PWWP2B: variants seen among roughly 807,000 people sequenced by gnomAD.
PWWP2B encodes the protein PWWP domain-containing protein 2B.
In PWWP2B, 9 loss-of-function variants were observed where a neutral mutation model predicts 15.5. The ratio of observed to expected loss-of-function variants is 0.58; its 90% CI spans 0.35 to 1.02. The LOEUF (loss-of-function observed/expected upper bound fraction) is 1.02. Among genes scored for constraint, PWWP2B ranks in the 50% least tolerant of loss-of-function variants. The probability of loss-of-function intolerance (pLI) is 0.02; values close to 1 mark genes in which losing one functional copy is unlikely to be tolerated. For missense variants in PWWP2B, 864 were observed against 865.3 expected (o/e 1.00, Z 0.02); for synonymous variants, 474 against 403.6 (o/e 1.17, Z -2.09).
intron 1 of PWWP2B, among the ~76,000 whole-genome samples, chr10:132,402,316 C>T (rs1442234266): frequency 6.6e-6 from 1 of 152,254 alleles, no homozygotes; most frequent in Non-Finnish European, 1.5e-5. Flanking sequence ...CCCCCTCCCT[C>T]TGGCTGTCGT....
chr10:132,397,442 G>C, intron 1 of PWWP2B, 91 bp downstream of exon 1: 2 of 1,113,508 alleles, frequency 1.8e-6, no homozygotes, highest in South Asian at 4.3e-5. Flanking sequence ...CTCCGGGTTG[G>C]GGGTGGCGTG....
intron 1 of PWWP2B, among the ~76,000 whole-genome samples, chr10:132,402,296 A>G (rs1017371181): frequency 6.6e-6 from 1 of 152,346 alleles, no homozygotes; most frequent in African/African-American, 2.4e-5. Flanking sequence ...CCCCAGCCCT[A>G]GTGGGGTTGC....
chr10:132,416,472 G>C (rs2069857903), intron 2 of PWWP2B, among the ~76,000 whole-genome samples: 2 of 152,208 alleles, frequency 1.3e-5, no homozygotes, highest in African/African-American at 4.8e-5. Flanking sequence ...TGCCTGAGGT[G>C]GCCATCCGGG....
chr10:132,415,458 C>T (rs2069836182), intron 2 of PWWP2B, among the ~76,000 whole-genome samples: 1 of 151,370 alleles, frequency 6.6e-6, no homozygotes, highest in South Asian at 2.1e-4. Flanking sequence ...CATCCACTCA[C>T]ACACGCACTC....
At chr10:132,413,175 GA>G (rs1178435129) in intron 2 of PWWP2B, among the ~76,000 whole-genome samples, 1 of 152,220 alleles carries the variant, frequency 6.6e-6, no homozygotes, top group Non-Finnish European at 1.5e-5. Context: ...TCTGATGCCG[GA>G]AATCTTGACG....
rs1415888674 is a variant in PWWP2B, at chr10:132,397,260, C to T, written c.34C>T (p.Arg12Trp). 1.5e-6 allele frequency: 2 copies of T among 1,321,166 alleles called. No individual in the cohort carries two copies. Among genetic ancestry groups the T allele is most frequent in the Non-Finnish European group, 1.9e-6 (2 of 1,027,236 alleles). The allele number at this position is 1,321,166 out of a possible 1,614,324, so 81.8% of individuals were successfully genotyped here. A position where few individuals can be genotyped will look rare whatever the true frequency, so the allele number is the denominator to read the frequency against. The change falls in exon 1 of 3, where the codon CGG (arginine) becomes TGG (tryptophan). Residue 12 changes from arginine (R) to tryptophan (W), a missense_variant. Arg to Trp is a moderately radical substitution (Grantham distance 101). Around this residue, in one of 2 missense-constraint regions of PWWP2B, gnomAD observed 736 missense variants for 687.7 expected, o/e 1.07. Coordinates refer to ENST00000305233, the MANE Select transcript of PWWP2B (RefSeq NM_138499.4). Reference protein sequence around the residue: ...EPRAGCRLPVRVEQVVNGALV... With the variant: ...EPRAGCRLPVWVEQVVNGALV... ...GCGCGCCGGCTGCCGGCTGCCGGTG[C>T]GGGTGGAGCAGGTCGTCAACGGCGC...
chr10:132,417,127 C>T lies in PWWP2B; in HGVS notation c.*83C>T, dbSNP rs2069869803. The T allele has an allele frequency of 1.2e-6, 2 of 1,610,394 alleles. No homozygotes were observed. The highest frequency in any genetic ancestry group is 1.7e-6 in the Non-Finnish European group (2 of 1,177,024). On this transcript the variant is annotated 3_prime_UTR_variant, in exon 3 of 3. Transcript: ENST00000305233. ...GATCTCTGTTCGGGGACCCTGTGAG[C>T]CTTCTGGCCGGCTGCGTGCAGAGCC...
chr10:132,399,794 G>T (rs111730382), intron 1 of PWWP2B, among the ~76,000 whole-genome samples: 6,277 of 152,356 alleles, frequency 0.041, 178 homozygotes, highest in Middle Eastern at 0.11. Flanking sequence ...GCTTCTGGTT[G>T]AGGATCTTGG....
At chr10:132,413,044 G>A (rs577179186) in intron 2 of PWWP2B, among the ~76,000 whole-genome samples, 163 of 152,342 alleles carry the variant, frequency 1.1e-3, no homozygotes, top group Non-Finnish European at 1.9e-3. Context: ...CTCACTGTGC[G>A]TTTTCTGGCT....
chr10:132,416,971 G>A (rs2069866666), intron 2 of PWWP2B, 90 bp from the exon 3 acceptor site: 3 of 1,445,358 alleles, frequency 2.1e-6, no homozygotes, highest in Non-Finnish European at 2.9e-6. Context: ...GCCCTCCGGG[G>A]CACCCTGACC....
At chr10:132,404,060 A>AGGACGGCATTCTTCT (rs2069648753) in intron 1 of PWWP2B, among the ~76,000 whole-genome samples, 2 of 35,848 alleles carry the variant, frequency 5.6e-5, no homozygotes, top group South Asian at 1.4e-3. Context: ...GGCATTCTCC[A>AGGACGGCATTCTTCT]GGGCTCCTGC....
chr10:132,406,357 C>T (rs2069698552), intron 2 of PWWP2B, 68 bp downstream of exon 2: 2 of 1,344,684 alleles, frequency 1.5e-6, no homozygotes, highest in East Asian at 4.9e-5. Context: ...CAGGCCATGC[C>T]TCTGCTCCGG....
chr10:132,402,855 G>A (rs980965713), intron 1 of PWWP2B, among the ~76,000 whole-genome samples: 5 of 152,240 alleles, frequency 3.3e-5, no homozygotes, highest in African/African-American at 7.2e-5. Context: ...GAACCTGGGG[G>A]CTGTGCTGTG....
Position 132,397,238 on chromosome 10 carries a change from C to A in PWWP2B, c.12C>A (p.Arg4=). The part of the protein sequence containing the change: MEP[R]AGCRLPVRVE... ...GACGCGGCGGGAGCATGGAGCCGCG[C>A]GCCGGCTGCCGGCTGCCGGTGCGGG... The change falls in exon 1 of 3, where the codon CGC becomes CGA. Residue 4 remains arginine (R), a synonymous_variant. Transcript: ENST00000305233. 2 of 1,224,452 alleles carry A rather than the reference C, an allele frequency of 1.6e-6. No individual in the cohort carries two copies. Among genetic ancestry groups the A allele is most frequent in the Non-Finnish European group, 1.0e-6 (1 of 973,652 alleles). The allele number at this position is 1,224,452 out of a possible 1,614,324, so 75.8% of individuals were successfully genotyped here. A position where few individuals can be genotyped will look rare whatever the true frequency, so the allele number is the denominator to read the frequency against.
In PWWP2B at chr10:132,405,692, C is replaced by T; in HGVS notation, c.1192C>T (p.Pro398Ser). The T allele has an allele frequency of 6.2e-7, 1 of 1,612,238 alleles. No individual in the cohort carries two copies. The highest frequency in any genetic ancestry group is 2.2e-5 in the East Asian group (1 of 44,882). Reference protein sequence around the residue: ...DDDFKSCPQGPQGREGLAFLV... With the variant: ...DDDFKSCPQGSQGREGLAFLV... The stretch of plus-strand genomic sequence containing the variant: ...TGACTTCAAGAGCTGTCCCCAGGGT[C>T]CACAGGGACGCGAGGGCTTGGCTTT... The change falls in exon 2 of 3, where the codon CCA becomes TCA. Residue 398 changes from proline (P) to serine (S), a missense_variant. This residue lies in a region of PWWP2B where 736 missense variants were observed against 687.7 expected (regional missense o/e 1.07). Coordinates refer to ENST00000305233, the MANE Select transcript of PWWP2B (RefSeq NM_138499.4).
chr10:132,407,979 G>A (rs951036611), intron 2 of PWWP2B, among the ~76,000 whole-genome samples: 1 of 152,260 alleles, frequency 6.6e-6, no homozygotes, highest in Non-Finnish European at 1.5e-5. Flanking sequence ...TGAGGCCTTG[G>A]CTGGCAGGGA....
intron 1 of PWWP2B, among the ~76,000 whole-genome samples, chr10:132,403,206 C>A (rs1193094412): frequency 1.3e-5 from 2 of 152,142 alleles, no homozygotes; most frequent in Non-Finnish European, 2.9e-5. Flanking sequence ...ACTCTGACCA[C>A]CCCCACCCAC....
At chr10:132,416,021 G>A (rs779738125) in intron 2 of PWWP2B, among the ~76,000 whole-genome samples, 6 of 152,198 alleles carry the variant, frequency 3.9e-5, no homozygotes, top group Admixed American at 6.5e-5. Context: ...CCCGCGTGCC[G>A]CTGGGCTTCC....
chr10:132,408,187 C>T (rs865883763), intron 2 of PWWP2B, among the ~76,000 whole-genome samples: 1 of 152,242 alleles, frequency 6.6e-6, no homozygotes, highest in Non-Finnish European at 1.5e-5. Flanking sequence ...AGCACCAAAG[C>T]GCAGAGTGGT....
Sources: allele counts gnomAD v4.1 joint callset (sites outside exome capture counted in the v4.1 genomes callset), GRCh38; gene constraint gnomAD v4.1.1; regional missense constraint gnomAD v4.1.1; transcripts MANE v1.5; gene names NCBI Gene and HGNC (gene_info 2026-07-23, HGNC 2026-07-21).